SNTG1: variants seen among roughly 807,000 people sequenced by gnomAD.
The protein encoded by SNTG1 is syntrophin gamma 1.
SNTG1 carries 39 observed loss-of-function variants against 74.7 expected under a neutral mutation model. That is an observed-to-expected ratio of 0.52 (90% confidence interval 0.40 to 0.68). The LOEUF is 0.68. Among genes scored for constraint, SNTG1 ranks in the 30% least tolerant of loss-of-function variants. The probability of loss-of-function intolerance (pLI) is 0.00; values close to 1 mark genes in which losing one functional copy is unlikely to be tolerated. For missense variants in SNTG1, 685 were observed against 609.5 expected (o/e 1.12, Z -1.30); for synonymous variants, 254 against 217.1 (o/e 1.17, Z -1.49).
intron 1 of SNTG1, among the ~76,000 whole-genome samples, chr8:50,079,772 T>C (rs1282366628): frequency 1.3e-5 from 2 of 152,354 alleles, no homozygotes; most frequent in East Asian, 1.9e-4. Context: ...GTTTCTGTTT[T>C]CTCCATATGG....
chr8:50,211,764 T>A (rs1222191150), intron 2 of SNTG1, among the ~76,000 whole-genome samples: 1 of 152,108 alleles, frequency 6.6e-6, no homozygotes, highest in Non-Finnish European at 1.5e-5. Context: ...AAATACAAAA[T>A]CATTTTGCTT....
At chr8:50,112,787 G>T (rs1476819039) in intron 1 of SNTG1, among the ~76,000 whole-genome samples, 1 of 152,014 alleles carries the variant, frequency 6.6e-6, no homozygotes, top group South Asian at 2.1e-4. Context: ...GGGATTACAG[G>T]CATGAGCCAC....
chr8:49,989,037 G>A (rs1465179117), intron 1 of SNTG1, among the ~76,000 whole-genome samples: 1 of 151,842 alleles, frequency 6.6e-6, no homozygotes, highest in Non-Finnish European at 1.5e-5. Flanking sequence ...ATTATAGAGA[G>A]CATGCCTATG....
rs1807883877 is a variant in SNTG1 at position 49,934,520 on chromosome 8, T to A, written c.-103+22289T>A. Among the ~76,000 whole-genome samples, 3 of 152,152 alleles carry A rather than the reference T, an allele frequency of 2.0e-5. No individual in the cohort carries two copies. In the South Asian group the frequency reaches 6.2e-4, roughly 32 times the overall value. On this transcript the variant is annotated intron_variant, in intron 1 of 18. Coordinates refer to ENST00000642720, the MANE Select transcript of SNTG1 (RefSeq NM_018967.5). ...AAGGTGAAAATGCTATGATAAAGAC[T>A]AATGCGAAAGTGGAAGAGACCTCAG...
intron 2 of SNTG1, among the ~76,000 whole-genome samples, chr8:50,187,268 GC>G (rs1323843979): frequency 6.6e-6 from 1 of 152,040 alleles, no homozygotes; most frequent in Non-Finnish European, 1.5e-5. Context: ...TTCAAAGTCT[GC>G]TACAAGGCTA....
chr8:50,608,278 T>C (rs188829350), intron 13 of SNTG1, among the ~76,000 whole-genome samples: 1 of 151,848 alleles, frequency 6.6e-6, no homozygotes, highest in East Asian at 1.9e-4. Context: ...AGTTTTTCTA[T>C]CAATTATTAT....
intron 1 of SNTG1, among the ~76,000 whole-genome samples, chr8:50,089,327 A>AT (rs1304345521): frequency 6.6e-6 from 1 of 150,836 alleles, no homozygotes; most frequent in Non-Finnish European, 1.5e-5. Flanking sequence ...AGGCATTACC[A>AT]TTCAGGACAT....
intron 15 of SNTG1, among the ~76,000 whole-genome samples, chr8:50,665,933 C>G (rs969275843): frequency 2.0e-5 from 3 of 152,056 alleles, no homozygotes; most frequent in Non-Finnish European, 4.4e-5. Flanking sequence ...TTACAGAGCA[C>G]AAAAGTGACA....
chr8:50,430,478 G>C (rs73581365), intron 4 of SNTG1, among the ~76,000 whole-genome samples: 10,404 of 152,098 alleles, frequency 0.068, 416 homozygotes, highest in Middle Eastern at 0.16. Context: ...CCGTTTACTT[G>C]TTAAATTTCA....
intron 12 of SNTG1, among the ~76,000 whole-genome samples, chr8:50,556,064 T>C (rs1430616118): frequency 6.6e-6 from 1 of 152,206 alleles, no homozygotes; most frequent in Non-Finnish European, 1.5e-5. Context: ...GCTATAATTT[T>C]TCTTCCAGAA....
intron 8 of SNTG1, among the ~76,000 whole-genome samples, chr8:50,502,306 G>A (rs184413573): frequency 1.6e-4 from 24 of 152,282 alleles, no homozygotes; most frequent in Non-Finnish European, 2.5e-4. Context: ...AATATTGGCA[G>A]AATCAGATTT....
chr8:50,438,651 A>T, intron 5 of SNTG1, 52 bp downstream of exon 5: 1 of 1,445,404 alleles, frequency 6.9e-7, no homozygotes, highest in African/African-American at 1.4e-5. Flanking sequence ...TAAGAGCTGA[A>T]CTTTGGTGCA....
chr8:50,411,960 G>T lies in SNTG1; in HGVS notation c.162+9616G>T, dbSNP rs549603124. ...AGGGACTACTGCCTGTGTCTCCTTT[G>T]ATTAGGATAGACAGAACAGATGCAG... On this transcript the variant is annotated intron_variant, in intron 4 of 18. Coordinates refer to ENST00000642720, the MANE Select transcript of SNTG1 (RefSeq NM_018967.5). 2.0e-5 allele frequency among the ~76,000 whole-genome samples: 3 copies of T among 152,248 alleles called. No homozygotes were observed. In the East Asian group the frequency reaches 5.8e-4, roughly 30 times the overall value.
chr8:50,743,964 CAG>C (rs71550237), intron 17 of SNTG1, among the ~76,000 whole-genome samples: 35 of 149,540 alleles, frequency 2.3e-4, no homozygotes, highest in Admixed American at 2.7e-4. Context: ...AAAATAGGAG[CAG>C]AGAGAGAGAG....
chr8:50,204,526 G>A (rs2084121274), intron 2 of SNTG1, among the ~76,000 whole-genome samples: 1 of 151,952 alleles, frequency 6.6e-6, no homozygotes, highest in African/African-American at 2.4e-5. Flanking sequence ...TAAATTTGTT[G>A]AAAATACATC....
intron 9 of SNTG1, 57 bp from the exon 10 acceptor site, chr8:50,530,120 A>C (rs2130312997): frequency 7.4e-7 from 1 of 1,356,750 alleles, no homozygotes; most frequent in Non-Finnish European, 1.1e-6. Flanking sequence ...GGAATGCATC[A>C]GTTTAGAAGG....
chr8:50,746,796 T>C (rs1029174745), intron 17 of SNTG1, among the ~76,000 whole-genome samples: 1 of 148,466 alleles, frequency 6.7e-6, no homozygotes, highest in African/African-American at 2.5e-5. Context: ...GTCATATATA[T>C]GTATAATATA....
intron 1 of SNTG1, among the ~76,000 whole-genome samples, chr8:50,114,049 A>C (rs900823376): frequency 6.6e-6 from 1 of 152,156 alleles, no homozygotes; most frequent in African/African-American, 2.4e-5. Flanking sequence ...CTGCTTTTAA[A>C]GACTAATAAT....
chr8:50,118,981 C>T lies in SNTG1; in HGVS notation c.-102-53580C>T, dbSNP rs189077609. Among the ~76,000 whole-genome samples the T allele has an allele frequency of 1.0e-4, 14 of 140,392 alleles. 4 individuals are homozygous for T. Among genetic ancestry groups the T allele is most frequent in the East Asian group, 8.2e-4 (4 of 4,876 alleles). The allele number at this position is 140,392 out of a possible 152,430, so 92.1% of individuals were successfully genotyped here. A position where few individuals can be genotyped will look rare whatever the true frequency, so the allele number is the denominator to read the frequency against. On this transcript the variant is annotated intron_variant, in intron 1 of 18. Coordinates refer to ENST00000642720, the MANE Select transcript of SNTG1 (RefSeq NM_018967.5). Reference sequence around the variant, plus strand: ...TACTTCTAACTACCTCAAGAAAATACGGCAGGATGCACTGGCTCACAGAAA... The same window carrying T: ...TACTTCTAACTACCTCAAGAAAATATGGCAGGATGCACTGGCTCACAGAAA...
Sources: gnomAD v4.1 joint callset for allele counts (sites outside exome capture counted in the v4.1 genomes callset) on GRCh38, gnomAD v4.1.1 for gene constraint, MANE v1.5 for transcripts, NCBI Gene and HGNC (gene_info 2026-07-23, HGNC 2026-07-21) for gene names.